The following LRRC1 variants were observed in gnomAD, a reference collection of about 807,000 sequenced individuals.
The protein encoded by LRRC1 is leucine rich repeat containing 1, also known as leucine-rich repeat-containing protein 1.
LRRC1 carries 28 observed loss-of-function variants against 69.9 expected under a neutral mutation model. The observed-to-expected ratio is 0.40, with a 90% CI of 0.30 to 0.55. LRRC1 has a LOEUF of 0.55. LRRC1 is among the 20% of genes least tolerant of loss of function. LRRC1 has a pLI of 0.47. For missense variants in LRRC1, 498 were observed against 609.0 expected (o/e 0.82, Z 1.92); for synonymous variants, 236 against 240.2 (o/e 0.98, Z 0.16).
intron 1 of LRRC1, among the ~76,000 whole-genome samples, chr6:53,821,582 G>A (rs1765116865): frequency 6.6e-6 from 1 of 152,162 alleles, no homozygotes; most frequent in African/African-American, 2.4e-5. Flanking sequence ...ATTTATGATG[G>A]CAGTGCTTCT....
At chr6:53,907,171 C>G (rs1768269310) in intron 10 of LRRC1, among the ~76,000 whole-genome samples, 1 of 152,202 alleles carries the variant, frequency 6.6e-6, no homozygotes, top group African/African-American at 2.4e-5. Context: ...TTGATCAAAT[C>G]TTGCATTTTC....
chr6:53,829,127 T>C (rs1181279780), intron 1 of LRRC1, among the ~76,000 whole-genome samples: 1 of 152,200 alleles, frequency 6.6e-6, no homozygotes, highest in Admixed American at 6.5e-5. Context: ...GGCTCCACAG[T>C]GCACCTTCTT....
At chr6:53,884,871 C>G (rs1767422063) in intron 4 of LRRC1, among the ~76,000 whole-genome samples, 3 of 152,022 alleles carry the variant, frequency 2.0e-5, no homozygotes, top group Admixed American at 1.3e-4. Context: ...TCTGTACCTG[C>G]TTTTGTCAGT....
intron 1 of LRRC1, among the ~76,000 whole-genome samples, chr6:53,839,931 C>G (rs1310758795): frequency 6.6e-6 from 1 of 152,116 alleles, no homozygotes; most frequent in Non-Finnish European, 1.5e-5. Flanking sequence ...CAGATAATTC[C>G]TCAGGTGTGT....
chr6:53,889,205 A>C (rs1393482786), intron 4 of LRRC1, among the ~76,000 whole-genome samples: 1 of 152,168 alleles, frequency 6.6e-6, no homozygotes, highest in Non-Finnish European at 1.5e-5. Context: ...ATAAATGCTA[A>C]CAAGTGTTGT....
intron 12 of LRRC1, 30 bp downstream of exon 12, chr6:53,919,700 G>A: frequency 6.3e-7 from 1 of 1,596,636 alleles, no homozygotes; most frequent in Non-Finnish European, 8.6e-7. Flanking sequence ...AGTATTCACA[G>A]GGCCACGAGA....
intron 1 of LRRC1, among the ~76,000 whole-genome samples, chr6:53,808,106 G>A (rs969728489): frequency 1.3e-5 from 2 of 152,232 alleles, no homozygotes; most frequent in Non-Finnish European, 2.9e-5. Context: ...TTATGTTAGA[G>A]AGTTCACTCT....
At chr6:53,824,483 T>C (rs1489442819) in intron 1 of LRRC1, among the ~76,000 whole-genome samples, 1 of 152,220 alleles carries the variant, frequency 6.6e-6, no homozygotes, top group African/African-American at 2.4e-5. Context: ...CAGAAGCTGT[T>C]TGGTTTAATG....
intron 1 of LRRC1, among the ~76,000 whole-genome samples, chr6:53,805,681 C>T (rs1406300288): frequency 6.6e-6 from 1 of 152,210 alleles, no homozygotes; most frequent in Non-Finnish European, 1.5e-5. Flanking sequence ...ACATGTGTTA[C>T]TCTGTAGACA....
At chr6:53,901,859 A>C (rs1405271604) in intron 8 of LRRC1, among the ~76,000 whole-genome samples, 1 of 152,256 alleles carries the variant, frequency 6.6e-6, no homozygotes, top group Non-Finnish European at 1.5e-5. Context: ...ACCCGAGGCA[A>C]GATACGCCTT....
At chr6:53,796,392 T>G (rs1764303537) in intron 1 of LRRC1, among the ~76,000 whole-genome samples, 1 of 152,014 alleles carries the variant, frequency 6.6e-6, no homozygotes, top group Non-Finnish European at 1.5e-5. Flanking sequence ...GTGCAGGAAG[T>G]CGGTGTGCAA....
intron 1 of LRRC1, 41 bp from the exon 2 acceptor site, chr6:53,842,069 A>G (rs1171920175): frequency 1.6e-6 from 2 of 1,275,760 alleles, no homozygotes; most frequent in Admixed American, 1.7e-5. Flanking sequence ...TTTATGATAC[A>G]AACATATGTG....
chr6:53,897,142 A>T, intron 6 of LRRC1, 143 bp from the exon 7 acceptor site: 2 of 651,050 alleles, frequency 3.1e-6, no homozygotes, highest in South Asian at 4.0e-5. Flanking sequence ...ACTTTGAGGA[A>T]AGGGGCTGGA....
intron 13 of LRRC1, among the ~76,000 whole-genome samples, chr6:53,921,657 G>A (rs1768746722): frequency 6.6e-6 from 1 of 152,134 alleles, no homozygotes; most frequent in Non-Finnish European, 1.5e-5. Flanking sequence ...AGTTGACTTT[G>A]GCTTCTTAAA....
At position 53,899,257 on chromosome 6, in the gene LRRC1, G is replaced by A. The variant is rs9474677; in HGVS notation, c.643-490G>A. ...AGATACAGATAGGTATGTATGTTCCGGTTTTGCTGGGGAGCAATTGCATTG... is the reference window on the plus strand; with the variant it reads ...AGATACAGATAGGTATGTATGTTCCAGTTTTGCTGGGGAGCAATTGCATTG... On this transcript the variant is annotated intron_variant, in intron 7 of 13. Coordinates refer to ENST00000370888, the MANE Select transcript of LRRC1 (RefSeq NM_018214.5). 5.7e-3 allele frequency among the ~76,000 whole-genome samples: 875 copies of A among 152,278 alleles called. 12 individuals carry two copies. Among genetic ancestry groups the A allele is most frequent in the East Asian group, 0.041 (212 of 5,182 alleles).
chr6:53,879,530 C>T (rs541829166), intron 3 of LRRC1, among the ~76,000 whole-genome samples: 25 of 152,230 alleles, frequency 1.6e-4, no homozygotes, highest in African/African-American at 6.0e-4. Flanking sequence ...GTGATCCACC[C>T]ACCTCAGCCT....
At chr6:53,848,945 T>TG (rs1295666693) in intron 2 of LRRC1, among the ~76,000 whole-genome samples, 13 of 151,894 alleles carry the variant, frequency 8.6e-5, no homozygotes, top group Admixed American at 7.2e-4. Flanking sequence ...TTAGTAGAGA[T>TG]GGGGTTTCTT....
intron 13 of LRRC1, 137 bp from the exon 14 acceptor site, chr6:53,922,497 CA>C: frequency 4.2e-6 from 3 of 713,700 alleles, no homozygotes; most frequent in Non-Finnish European, 6.6e-6. Context: ...CACATACATC[CA>C]AAGAAAGCTT....
At chr6:53,839,446 G>A (rs1346922980) in intron 1 of LRRC1, among the ~76,000 whole-genome samples, 1 of 152,150 alleles carries the variant, frequency 6.6e-6, no homozygotes, top group Non-Finnish European at 1.5e-5. Flanking sequence ...TTTTAGCAGA[G>A]TAATGTATGC....
Sources: allele counts gnomAD v4.1 joint callset (sites outside exome capture counted in the v4.1 genomes callset), GRCh38; gene constraint gnomAD v4.1.1; transcripts MANE v1.5; gene names NCBI Gene and HGNC (gene_info 2026-07-23, HGNC 2026-07-21).